MEF2C: variants seen among roughly 807,000 people sequenced by gnomAD.
MEF2C encodes myocyte enhancer factor 2C, also known as myocyte-specific enhancer factor 2C.
In MEF2C, 6 loss-of-function variants were observed where a neutral mutation model predicts 50.5. That is an observed-to-expected ratio of 0.12 (90% CI 0.07 to 0.23). The LOEUF is 0.23. MEF2C is among the 10% of genes least tolerant of loss of function. The pLI, the probability that MEF2C is intolerant of heterozygous loss-of-function variation, is 1.00. For missense variants in MEF2C, 276 were observed against 605.0 expected, an observed-to-expected ratio of 0.46 and a Z score of 5.70; for synonymous variants, 183 against 228.0, an observed-to-expected ratio of 0.80 and a Z score of 1.78.
chr5:88,878,701 T>C (rs1399471188), intron 1 of MEF2C, among the ~76,000 whole-genome samples: 2 of 152,032 alleles, frequency 1.3e-5, no homozygotes, highest in Non-Finnish European at 2.9e-5. Flanking sequence ...TAGTCTTTCT[T>C]TATTCCACTT....
chr5:88,728,484 AT>A lies in MEF2C; in HGVS notation c.1100+8del. On this transcript the variant is annotated splice_region_variant and intron_variant, in intron 10 of 10. Transcript: ENST00000504921. Reference sequence around the variant, plus strand: ...CTAAAATTATATTATAAAAAATAATATTGCTTACCCCAACTGACTGAGGGCA... The same window carrying A: ...CTAAAATTATATTATAAAAAATAATATGCTTACCCCAACTGACTGAGGGCA... 6.9e-7 allele frequency: 1 copy of A among 1,441,530 alleles called. No individual in the cohort carries two copies. The highest frequency in any genetic ancestry group is 1.6e-5 in the South Asian group (1 of 62,588). The allele number at this position is 1,441,530 out of a possible 1,614,324, so 89.3% of individuals were successfully genotyped here. A position where few individuals can be genotyped will look rare whatever the true frequency, so the allele number is the denominator to read the frequency against.
At chr5:88,811,176 G>C (rs1003262436) in intron 2 of MEF2C, among the ~76,000 whole-genome samples, 15 of 152,082 alleles carry the variant, frequency 9.9e-5, no homozygotes, top group African/African-American at 3.6e-4. Flanking sequence ...GACTGATGTA[G>C]GGTCTGAGAA....
chr5:88,805,580 G>C (rs1207468444), intron 2 of MEF2C, among the ~76,000 whole-genome samples: 1 of 151,914 alleles, frequency 6.6e-6, no homozygotes, highest in South Asian at 2.1e-4. Flanking sequence ...TCCTGTCCTC[G>C]ATGATCTCCC....
chr5:88,746,582 T>C (rs1769773298), intron 6 of MEF2C: 1 of 985,322 alleles, frequency 1.0e-6, no homozygotes, highest in South Asian at 4.7e-5. Context: ...AATGACAATA[T>C]GCAAAATTTG....
intron 1 of MEF2C, among the ~76,000 whole-genome samples, chr5:88,869,598 A>G (rs1413959059): frequency 2.0e-5 from 3 of 151,504 alleles, no homozygotes; most frequent in Non-Finnish European, 4.4e-5. Context: ...CACATACTTG[A>G]CATTTCAAAT....
At chr5:88,838,240 T>A (rs978726244) in intron 1 of MEF2C, among the ~76,000 whole-genome samples, 1 of 152,196 alleles carries the variant, frequency 6.6e-6, no homozygotes, top group Non-Finnish European at 1.5e-5. Flanking sequence ...TGAGTGTTCT[T>A]CAACTCATCT....
chr5:88,899,920 A>C (rs1031551438), intron 1 of MEF2C, among the ~76,000 whole-genome samples: 3 of 152,132 alleles, frequency 2.0e-5, no homozygotes, highest in African/African-American at 7.2e-5. Context: ...TTTTAGATCA[A>C]TCCCTTGCAG....
upstream of MEF2C, chr5:88,884,306 G>C (rs1476118841): frequency 3.3e-5 from 5 of 152,228 alleles, no homozygotes; most frequent in South Asian, 1.0e-3. Flanking sequence ...TCCACCGGTC[G>C]GTGCGCTCCT....
chr5:88,737,967 G>A, intron 6 of MEF2C: 1 of 985,334 alleles, frequency 1.0e-6, no homozygotes, highest in Non-Finnish European at 1.2e-6. Context: ...GAGACAAAAG[G>A]GGGTTGGACT....
intron 6 of MEF2C, chr5:88,743,151 T>C (rs961460607): frequency 4.4e-6 from 4 of 918,590 alleles, no homozygotes; most frequent in Non-Finnish European, 5.2e-6. Context: ...AAAAATAATA[T>C]AAAAATTATA....
intron 1 of MEF2C, among the ~76,000 whole-genome samples, chr5:88,855,116 T>G (rs1822824717): frequency 6.6e-6 from 1 of 152,210 alleles, no homozygotes; most frequent in African/African-American, 2.4e-5. Flanking sequence ...GAGACACAAA[T>G]TTAAAAAGAA....
At chr5:88,846,541 A>T (rs1819418286) in intron 1 of MEF2C, among the ~76,000 whole-genome samples, 1 of 152,226 alleles carries the variant, frequency 6.6e-6, no homozygotes, top group Non-Finnish European at 1.5e-5. Context: ...AAAATTAAGC[A>T]GTAAAGTTCC....
chr5:88,764,138 A>G (rs1256307164), intron 3 of MEF2C, among the ~76,000 whole-genome samples: 1 of 152,262 alleles, frequency 6.6e-6, no homozygotes, highest in Non-Finnish European at 1.5e-5. Context: ...GAGGCCTATC[A>G]ACTGTCATTA....
At chr5:88,730,999 A>G (rs1291575234) in intron 7 of MEF2C, among the ~76,000 whole-genome samples, 1 of 152,170 alleles carries the variant, frequency 6.6e-6, no homozygotes, top group East Asian at 1.9e-4. Context: ...CATTATCTTC[A>G]TCTTAGGCAT....
At chr5:88,771,389 G>C in intron 3 of MEF2C, 1 of 969,154 alleles carries the variant, frequency 1.0e-6, no homozygotes, top group Non-Finnish European at 1.2e-6. Flanking sequence ...AATTGTCCTA[G>C]GACACCCTAT....
chr5:88,742,854 T>C, intron 6 of MEF2C: 1 of 985,244 alleles, frequency 1.0e-6, no homozygotes, highest in Non-Finnish European at 1.2e-6. Flanking sequence ...AGTAGCTGCA[T>C]ACCACATGCT....
intron 4 of MEF2C, among the ~76,000 whole-genome samples, chr5:88,756,821 A>G (rs1775563675): frequency 6.6e-6 from 1 of 152,200 alleles, no homozygotes; most frequent in African/African-American, 2.4e-5. Context: ...TGAAAGCCAA[A>G]AAGTAGTTAA....
At chr5:88,816,460 T>C (rs1805412576) in intron 2 of MEF2C, among the ~76,000 whole-genome samples, 1 of 138,324 alleles carries the variant, frequency 7.2e-6, no homozygotes, top group Non-Finnish European at 1.5e-5. Context: ...GCATTCTGCC[T>C]ACTGCTTTTT....
intron 3 of MEF2C, among the ~76,000 whole-genome samples, chr5:88,767,581 T>G (rs1343290757): frequency 6.6e-6 from 1 of 152,168 alleles, no homozygotes; most frequent in Non-Finnish European, 1.5e-5. Flanking sequence ...AATACTGTAT[T>G]TCTCTAGGTT....
Sources: gnomAD v4.1 joint callset for allele counts (sites outside exome capture counted in the v4.1 genomes callset) on GRCh38, gnomAD v4.1.1 for gene constraint, MANE v1.5 for transcripts, NCBI Gene and HGNC (gene_info 2026-07-23, HGNC 2026-07-21) for gene names.